The following GLCE variants were observed in gnomAD, a reference collection of about 807,000 sequenced individuals.
The protein encoded by GLCE is D-glucuronyl C5-epimerase.
In GLCE, 19 loss-of-function variants were observed where a neutral mutation model predicts 47.9. That is an observed-to-expected ratio of 0.40 (90% CI 0.28 to 0.58). GLCE has a LOEUF of 0.58. Ranked by LOEUF, GLCE falls within the 20% of genes least tolerant of loss-of-function variation. The pLI is 0.48. For synonymous variants in GLCE, 245 were observed against 263.4 expected (o/e 0.93, Z 0.68); for missense variants, 556 against 743.3 (o/e 0.75, Z 2.93).
At chr15:69,229,379 G>C (rs2052489836) in intron 2 of GLCE, among the ~76,000 whole-genome samples, 1 of 152,210 alleles carries the variant, frequency 6.6e-6, no homozygotes, top group Admixed American at 6.5e-5. Flanking sequence ...AGCACAGGAA[G>C]AGGGAACCCA....
intron 3 of GLCE, chr15:69,260,838 G>A (rs2053003592): frequency 4.9e-6 from 2 of 405,248 alleles, no homozygotes; most frequent in Non-Finnish European, 8.8e-6. Flanking sequence ...GTCCTTAAAA[G>A]GTAATTTATA....
intron 1 of GLCE, among the ~76,000 whole-genome samples, chr15:69,182,941 G>A (rs2140342458): frequency 6.6e-6 from 1 of 152,274 alleles, no homozygotes; most frequent in Middle Eastern, 3.4e-3. Flanking sequence ...CTTGAGTCCA[G>A]TGAGCTGTGA....
chr15:69,261,043 T>A (rs1232675170), intron 3 of GLCE, 44 bp from the exon 4 acceptor site: 1 of 1,569,050 alleles, frequency 6.4e-7, no homozygotes, highest in Non-Finnish European at 8.7e-7. Context: ...AATAGGCTTG[T>A]AATGTCTGGA....
rs79509518 is a variant in GLCE at position 69,198,414 on chromosome 15, C to T, written c.-104-11902C>T. 4.6e-3 allele frequency among the ~76,000 whole-genome samples: 704 copies of T among 152,256 alleles called. 9 individuals carry two copies. The highest frequency in any genetic ancestry group is 9.2e-3 in the Admixed American group (141 of 15,296). On this transcript the variant is annotated intron_variant, in intron 1 of 4. Coordinates refer to ENST00000261858, the MANE Select transcript of GLCE (RefSeq NM_015554.3). ...CAGGAACAGCATAGGTGCTGGGTCT[C>T]TTACAAGGTTATGAACCAATGTGTT...
At chr15:69,235,910 C>T (rs562782849) in intron 2 of GLCE, among the ~76,000 whole-genome samples, 1 of 152,156 alleles carries the variant, frequency 6.6e-6, no homozygotes, top group Non-Finnish European at 1.5e-5. Context: ...AGAACATTTC[C>T]ATCGTCCTCA....
chr15:69,218,402 T>C (rs1025487932), intron 2 of GLCE, among the ~76,000 whole-genome samples: 1 of 151,790 alleles, frequency 6.6e-6, no homozygotes, highest in Admixed American at 6.6e-5. Context: ...TAGTCTCAGC[T>C]ACTTGGGAGG....
At chr15:69,170,326 A>G (rs950325768) in intron 1 of GLCE, among the ~76,000 whole-genome samples, 20 of 152,134 alleles carry the variant, frequency 1.3e-4, no homozygotes, top group African/African-American at 4.3e-4. Flanking sequence ...AAGGTAAAAT[A>G]TATTTTATCT....
chr15:69,199,428 A>G (rs1411153118), intron 1 of GLCE, among the ~76,000 whole-genome samples: 1 of 152,132 alleles, frequency 6.6e-6, no homozygotes, highest in Non-Finnish European at 1.5e-5. Flanking sequence ...TTTGATCTCT[A>G]CTATAAAATA....
intron 1 of GLCE, among the ~76,000 whole-genome samples, chr15:69,205,800 A>G (rs920167476): frequency 6.6e-6 from 1 of 152,126 alleles, no homozygotes; most frequent in African/African-American, 2.4e-5. Flanking sequence ...TGAAGGATCT[A>G]TTCAGGTCCT....
intron 1 of GLCE, among the ~76,000 whole-genome samples, chr15:69,179,848 G>T (rs1225469233): frequency 6.6e-6 from 1 of 152,048 alleles, no homozygotes; most frequent in Admixed American, 6.6e-5. Context: ...TTAGCTGGGC[G>T]TGGTGGTGCA....
intron 2 of GLCE, among the ~76,000 whole-genome samples, chr15:69,237,094 T>G (rs969392784): frequency 2.6e-5 from 4 of 152,226 alleles, no homozygotes; most frequent in African/African-American, 9.6e-5. Flanking sequence ...TAAATGTTTC[T>G]TTTTATCATA....
chr15:69,225,148 C>T (rs1197597696), intron 2 of GLCE, among the ~76,000 whole-genome samples: 1 of 150,274 alleles, frequency 6.7e-6, no homozygotes, highest in African/African-American at 2.4e-5. Flanking sequence ...GGAATAAAAG[C>T]TTCATTAGCC....
intron 1 of GLCE, among the ~76,000 whole-genome samples, chr15:69,191,355 A>G (rs1444469772): frequency 6.6e-6 from 1 of 152,132 alleles, no homozygotes; most frequent in African/African-American, 2.4e-5. Context: ...GTGGTTGGCT[A>G]GGAGGACTCG....
chr15:69,221,683 C>T (rs941284523), intron 2 of GLCE, among the ~76,000 whole-genome samples: 8 of 151,594 alleles, frequency 5.3e-5, no homozygotes, highest in East Asian at 1.9e-4. Flanking sequence ...GCCATCATGA[C>T]GAAACCCCGT....
chr15:69,163,493 A>G (rs867791058), intron 1 of GLCE, among the ~76,000 whole-genome samples: 6 of 152,346 alleles, frequency 3.9e-5, no homozygotes, highest in Middle Eastern at 3.4e-3. Flanking sequence ...GTGTTGTGAT[A>G]ATAAGAAACC....
chr15:69,230,824 C>G (rs960258800), intron 2 of GLCE, among the ~76,000 whole-genome samples: 4 of 152,182 alleles, frequency 2.6e-5, no homozygotes, highest in Non-Finnish European at 4.4e-5. Flanking sequence ...TTCTGGAGAT[C>G]AGAAGTTCAA....
At chr15:69,266,169 T>C (rs2053083303) in intron 4 of GLCE, among the ~76,000 whole-genome samples, 1 of 152,224 alleles carries the variant, frequency 6.6e-6, no homozygotes, top group South Asian at 2.1e-4. Context: ...TCATTCTTGA[T>C]ACAACTTTCA....
intron 2 of GLCE, among the ~76,000 whole-genome samples, chr15:69,236,674 G>A (rs1326945748): frequency 2.0e-5 from 3 of 152,072 alleles, no homozygotes; most frequent in Non-Finnish European, 2.9e-5. Flanking sequence ...GTATATACAC[G>A]TATCTCATTT....
At chr15:69,166,482 A>G (rs1455151744) in intron 1 of GLCE, among the ~76,000 whole-genome samples, 1 of 152,230 alleles carries the variant, frequency 6.6e-6, no homozygotes, top group Non-Finnish European at 1.5e-5. Context: ...ATTGGACTTT[A>G]GAGACCATTT....
Sources: allele counts gnomAD v4.1 joint callset (sites outside exome capture counted in the v4.1 genomes callset), GRCh38; gene constraint gnomAD v4.1.1; transcripts MANE v1.5; gene names NCBI Gene and HGNC (gene_info 2026-07-23, HGNC 2026-07-21).